PIK3CG: variants seen among roughly 807,000 people sequenced by gnomAD.
The protein encoded by PIK3CG is phosphatidylinositol 4,5-bisphosphate 3-kinase catalytic subunit gamma isoform.
In PIK3CG, 55 loss-of-function variants were observed where a neutral mutation model predicts 102.3. That is an observed-to-expected ratio of 0.54 (90% confidence interval 0.43 to 0.67). The LOEUF (loss-of-function observed/expected upper bound fraction) is 0.67. Ranked by LOEUF, PIK3CG falls within the 30% of genes least tolerant of loss-of-function variation. The probability of loss-of-function intolerance (pLI) is 0.00; values close to 1 mark genes in which losing one functional copy is unlikely to be tolerated. For missense variants in PIK3CG, 1,258 were observed against 1,391.8 expected, an observed-to-expected ratio of 0.90 and a Z score of 1.53; for synonymous variants, 552 against 540.0, an observed-to-expected ratio of 1.02 and a Z score of -0.31.
At chr7:106,885,020 T>C (rs1791044831) in intron 9 of PIK3CG, among the ~76,000 whole-genome samples, 1 of 151,894 alleles carries the variant, frequency 6.6e-6, no homozygotes, top group African/African-American at 2.4e-5. Flanking sequence ...TGACAGGAGG[T>C]GGAGCTCAGG....
At position 106,867,120 on chromosome 7, in the gene PIK3CG, T is replaced by C. The variant is rs1790313047; in HGVS notation, c.-12-430T>C. ...GTATGTTTAAGAACAATGTCCATTC[T>C]GAGCCATTATAATGTGTCATGCGCT... is the stretch of plus-strand genomic sequence containing the variant. On this transcript the variant is annotated intron_variant, in intron 1 of 10. Coordinates refer to ENST00000496166, the MANE Select transcript of PIK3CG (RefSeq NM_001282426.2). This position sits in a 1 kb window ranked among gnomAD's most constrained non-coding sequence, Gnocchi z 5.1. Among the ~76,000 whole-genome samples the C allele has an allele frequency of 6.6e-6, 1 of 152,250 alleles. No individual in the cohort carries two copies. Among genetic ancestry groups the C allele is most frequent in the South Asian group, 2.1e-4 (1 of 4,838 alleles).
intron 10 of PIK3CG, among the ~76,000 whole-genome samples, chr7:106,887,933 CTTTT>C (rs71156344): frequency 0.08 from 4,842 of 60,238 alleles, 79 homozygotes; most frequent in South Asian, 0.19. Context: ...GACGACTCTC[CTTTT>C]TTTTTTTTTT....
Position 106,872,440 on chromosome 7 carries a change from C to A in PIK3CG, c.1996-97C>A. On this transcript the variant is annotated intron_variant, in intron 2 of 10. Transcript: ENST00000496166. This position sits in a 1 kb window ranked among gnomAD's most constrained non-coding sequence, Gnocchi z 5.3. ...ATTTTCATCTTTCTAGCCGTGAAGA[C>A]CCAGTAAAGCAGAGCACCAGTTCTT... 1.1e-6 allele frequency: 1 copy of A among 919,528 alleles called. No homozygotes were observed. Among genetic ancestry groups the A allele is most frequent in the Non-Finnish European group, 1.8e-6 (1 of 567,302 alleles). 57.0% of individuals were successfully genotyped at this position (919,528 alleles called of 1,614,324 possible).
In PIK3CG at chr7:106,877,190, C is replaced by A. The variant is rs976170975; in HGVS notation, c.2392-2329C>A. On this transcript the variant is annotated intron_variant, in intron 5 of 10. Coordinates refer to ENST00000496166, the MANE Select transcript of PIK3CG (RefSeq NM_001282426.2). The surrounding 1 kb of genome is among the most constrained non-coding windows in gnomAD (Gnocchi z 4.5). ...TCCAACCTGGGCTACAGAGCGAGAC[C>A]CTGTTTCAAAAGAAATGAAAAAGAA... 6.6e-6 allele frequency among the ~76,000 whole-genome samples: 1 copy of A among 152,156 alleles called. No homozygotes were observed. Among genetic ancestry groups the A allele is most frequent in the Non-Finnish European group, 1.5e-5 (1 of 68,026 alleles).
chr7:106,885,493 A>G (rs1338501678), intron 9 of PIK3CG, among the ~76,000 whole-genome samples: 1 of 152,214 alleles, frequency 6.6e-6, no homozygotes, highest in Non-Finnish European at 1.5e-5. Context: ...TGGAAAAGGC[A>G]TCAGATGGGG....
In PIK3CG at chr7:106,905,734, G is replaced by A. The variant is rs1010519895; in HGVS notation, c.*347G>A. ...CTGGAAATTCTTTGGAATAATTGAT[G>A]ACATCTATTTTCATCTGGGTTTAGT... On this transcript the variant is annotated 3_prime_UTR_variant, in exon 11 of 11. Transcript: ENST00000496166. The surrounding 1 kb of genome is among the most constrained non-coding windows in gnomAD (Gnocchi z 5.6). 1.4e-5 allele frequency: 4 copies of A among 292,744 alleles called. No homozygotes were observed. Among genetic ancestry groups the A allele is most frequent in the Non-Finnish European group, 2.5e-5 (4 of 156,950 alleles). The allele number at this position is 292,744 out of a possible 1,614,324, so 18.1% of individuals were successfully genotyped here.
chr7:106,899,137 G>C lies in PIK3CG; in HGVS notation c.3031-5972G>C, dbSNP rs184939513. ...ATTCTTTTTGTGGCAATTGTGAACG[G>C]GATTGCCTTTCTGATTTGGCTCTTG... On this transcript the variant is annotated intron_variant, in intron 10 of 10. Transcript: ENST00000496166. The surrounding 1 kb of genome is among the most constrained non-coding windows in gnomAD (Gnocchi z 4.6). Among the ~76,000 whole-genome samples the C allele has an allele frequency of 6.6e-6, 1 of 152,174 alleles. No homozygotes were observed. Among genetic ancestry groups the C allele is most frequent in the Non-Finnish European group, 1.5e-5 (1 of 68,008 alleles).
At chr7:106,900,380 C>G (rs1477632342) in intron 10 of PIK3CG, among the ~76,000 whole-genome samples, 1 of 151,944 alleles carries the variant, frequency 6.6e-6, no homozygotes, top group Non-Finnish European at 1.5e-5. Flanking sequence ...AGGACAAACC[C>G]CTGCTTTTTT....
chr7:106,905,366 A>G lies in PIK3CG; in HGVS notation c.3288A>G (p.Gln1096=). 1.9e-6 allele frequency: 3 copies of G among 1,613,908 alleles called. No homozygotes were observed. The highest frequency in any genetic ancestry group is 2.5e-6 in the Non-Finnish European group (3 of 1,179,860). Residue 1096 remains glutamine, a synonymous_variant, in exon 11 of 11, where the codon CAA becomes CAG. Coordinates refer to ENST00000496166, the MANE Select transcript of PIK3CG (RefSeq NM_001282426.2). This position sits in a 1 kb window ranked among gnomAD's most constrained non-coding sequence, Gnocchi z 5.6. Reference sequence around the variant, plus strand: ...TACATCTTGTTCTTGGCATCAAACAAGGAGAGAAACATTCAGCCTAATACT... The same window carrying G: ...TACATCTTGTTCTTGGCATCAAACAGGGAGAGAAACATTCAGCCTAATACT... ...WFLHLVLGIK[Q]GEKHSA
At chr7:106,898,736 C>G (rs911196079) in intron 10 of PIK3CG, among the ~76,000 whole-genome samples, 2 of 152,038 alleles carry the variant, frequency 1.3e-5, no homozygotes, top group African/African-American at 4.8e-5. Flanking sequence ...CCTTTGGTCT[C>G]TGTGCCTGTT....
chr7:106,885,371 C>G (rs1370815242), intron 9 of PIK3CG, among the ~76,000 whole-genome samples: 1 of 152,126 alleles, frequency 6.6e-6, no homozygotes, highest in African/African-American at 2.4e-5. Flanking sequence ...CCTTAAATCT[C>G]CCTAACCCAC....
intron 10 of PIK3CG, among the ~76,000 whole-genome samples, chr7:106,889,674 T>G (rs900503064): frequency 6.6e-6 from 1 of 152,090 alleles, no homozygotes; most frequent in Non-Finnish European, 1.5e-5. Context: ...TTGTTAAGGG[T>G]GGGGTGAGCC....
chr7:106,899,782 G>A lies in PIK3CG; in HGVS notation c.3031-5327G>A, dbSNP rs1357422674. On this transcript the variant is annotated intron_variant, in intron 10 of 10. Coordinates refer to ENST00000496166, the MANE Select transcript of PIK3CG (RefSeq NM_001282426.2). The surrounding 1 kb of genome is among the most constrained non-coding windows in gnomAD (Gnocchi z 4.6). Reference sequence around the variant, plus strand: ...GGTTTGCAAGTATTTGAAGATTTTTGTATTGATGTTCACCAAGGATATTGG... The same window carrying A: ...GGTTTGCAAGTATTTGAAGATTTTTATATTGATGTTCACCAAGGATATTGG... Among the ~76,000 whole-genome samples the A allele has an allele frequency of 6.6e-6, 1 of 152,034 alleles. No homozygotes were observed. Among genetic ancestry groups the A allele is most frequent in the East Asian group, 1.9e-4 (1 of 5,186 alleles).
intron 10 of PIK3CG, among the ~76,000 whole-genome samples, 190 bp downstream of exon 10, chr7:106,886,482 C>T (rs1477284249): frequency 3.1e-4 from 47 of 152,144 alleles, no homozygotes; most frequent in Admixed American, 3.1e-3. Context: ...CAAAATGACA[C>T]TTCTCAGTAA....
chr7:106,868,385 G>C lies in PIK3CG; in HGVS notation c.824G>C (p.Cys275Ser), dbSNP rs2116438935. 6.2e-7 allele frequency: 1 copy of C among 1,614,250 alleles called. No individual in the cohort carries two copies. Among genetic ancestry groups the C allele is most frequent in the South Asian group, 1.1e-5 (1 of 91,086 alleles). Residue 275 changes from cysteine (C) to serine (S), a missense_variant, in exon 2 of 11, where the codon TGT becomes TCT. Cys to Ser is a moderately radical substitution (Grantham distance 112). Around this residue, in one of 2 missense-constraint regions of PIK3CG, gnomAD observed 832 missense variants for 787.5 expected, o/e 1.06. Coordinates refer to ENST00000496166, the MANE Select transcript of PIK3CG (RefSeq NM_001282426.2). This position sits in a 1 kb window ranked among gnomAD's most constrained non-coding sequence, Gnocchi z 6.2. ...QSEQDFVLRV[C>S]GRDEYLVGET... The stretch of plus-strand genomic sequence containing the variant: ...GAACAGGATTTTGTGCTGCGCGTCT[G>C]TGGCCGGGATGAGTACCTGGTGGGC...
rs1791668085 is a variant in PIK3CG, at chr7:106,905,705, G to C, written c.*318G>C. ...TATTTTGACTATCTTACTATTGAGT[G>C]CTTCTGGAAATTCTTTGGAATAATT... is the stretch of plus-strand genomic sequence containing the variant. On this transcript the variant is annotated 3_prime_UTR_variant, in exon 11 of 11. Coordinates refer to ENST00000496166, the MANE Select transcript of PIK3CG (RefSeq NM_001282426.2). This position sits in a 1 kb window ranked among gnomAD's most constrained non-coding sequence, Gnocchi z 5.6. 6.6e-6 allele frequency: 2 copies of C among 303,036 alleles called. No homozygotes were observed. Among genetic ancestry groups the C allele is most frequent in the Admixed American group, 9.5e-5 (2 of 21,120 alleles). The allele number at this position is 303,036 out of a possible 1,614,324, so 18.8% of individuals were successfully genotyped here.
In PIK3CG at chr7:106,891,220, G is replaced by A. The variant is rs1349196967; in HGVS notation, c.3030+4928G>A. Among the ~76,000 whole-genome samples the A allele has an allele frequency of 6.6e-6, 1 of 152,104 alleles. No homozygotes were observed. Among genetic ancestry groups the A allele is most frequent in the Non-Finnish European group, 1.5e-5 (1 of 68,024 alleles). Reference sequence around the variant, plus strand: ...GCTGGATCAAACTGGATAACCTCTGGGGTGTCTTCCTTCCATATCATACAT... The same window carrying A: ...GCTGGATCAAACTGGATAACCTCTGAGGTGTCTTCCTTCCATATCATACAT... On this transcript the variant is annotated intron_variant, in intron 10 of 10. Transcript: ENST00000496166. This position sits in a 1 kb window ranked among gnomAD's most constrained non-coding sequence, Gnocchi z 4.4.
rs2116421012 is a variant in PIK3CG, at chr7:106,867,755, G to A, written c.194G>A (p.Gly65Asp). The A allele has an allele frequency of 6.2e-7, 1 of 1,612,910 alleles. No homozygotes were observed. Among genetic ancestry groups the A allele is most frequent in the Non-Finnish European group, 8.5e-7 (1 of 1,179,884 alleles). The change falls in exon 2 of 11, where the codon GGC becomes GAC. Residue 65 changes from glycine to aspartate, a missense_variant. Gly to Asp is a moderately conservative substitution (Grantham distance 94). This residue lies in a region of PIK3CG where 832 missense variants were observed against 787.5 expected (regional missense o/e 1.06). Coordinates refer to ENST00000496166, the MANE Select transcript of PIK3CG (RefSeq NM_001282426.2). This position sits in a 1 kb window ranked among gnomAD's most constrained non-coding sequence, Gnocchi z 5.1. ...ETALLHVAGHGNVEQMKAQVW... is the reference protein window; with the variant it reads ...ETALLHVAGHDNVEQMKAQVW... ...GCGCTGCTGCACGTGGCCGGCCACG[G>A]CAACGTGGAGCAGATGAAGGCCCAG...
At position 106,894,288 on chromosome 7, in the gene PIK3CG, G is replaced by A. The variant is rs1791347103; in HGVS notation, c.3030+7996G>A. Among the ~76,000 whole-genome samples, 1 of 151,868 alleles carries A rather than the reference G, an allele frequency of 6.6e-6. No individual in the cohort carries two copies. Among genetic ancestry groups the A allele is most frequent in the African/African-American group, 2.4e-5 (1 of 41,326 alleles). ...CACACACACACACCCCTACGTGCAC[G>A]CTATCAGAATATTGACTAAAGTAGA... is the stretch of plus-strand genomic sequence containing the variant. On this transcript the variant is annotated intron_variant, in intron 10 of 10. Transcript: ENST00000496166. This position sits in a 1 kb window ranked among gnomAD's most constrained non-coding sequence, Gnocchi z 4.4.
Sources: allele counts gnomAD v4.1 joint callset (sites outside exome capture counted in the v4.1 genomes callset), GRCh38; gene constraint gnomAD v4.1.1; regional missense constraint gnomAD v4.1.1; non-coding constraint Gnocchi (gnomAD v3.1); transcripts MANE v1.5; gene names NCBI Gene and HGNC (gene_info 2026-07-23, HGNC 2026-07-21).